The following ARHGEF17 variants were observed in gnomAD, a reference collection of about 807,000 sequenced individuals.
The protein encoded by ARHGEF17 is Rho guanine nucleotide exchange factor 17.
ARHGEF17 carries 80 observed loss-of-function variants against 174.0 expected under a neutral mutation model. The observed-to-expected ratio is 0.46, with a 90% CI of 0.38 to 0.55. The LOEUF (loss-of-function observed/expected upper bound fraction) is 0.55. ARHGEF17 is among the 20% of genes least tolerant of loss of function. ARHGEF17 has a pLI of 0.00. For missense variants in ARHGEF17, 2,886 were observed against 2,839.7 expected (o/e 1.02, Z -0.37); for synonymous variants, 1,311 against 1,189.1 (o/e 1.10, Z -2.11).
At chr11:73,361,516 A>G (rs1215566112) in intron 12 of ARHGEF17, among the ~76,000 whole-genome samples, 1 of 152,168 alleles carries the variant, frequency 6.6e-6, no homozygotes, top group African/African-American at 2.4e-5. Flanking sequence ...ATGTGTGTGT[A>G]CATGTAGGCA....
Position 73,310,569 on chromosome 11 carries a change from C to T in ARHGEF17, c.1931C>T (p.Thr644Ile), listed in dbSNP as rs763165327. The T allele has an allele frequency of 5.0e-6, 8 of 1,614,124 alleles. No homozygotes were observed. The highest frequency in any genetic ancestry group is 6.8e-6 in the Non-Finnish European group (8 of 1,180,028). Residue 644 changes from threonine to isoleucine, a missense_variant, in exon 1 of 21, where the codon ACA becomes ATA. Physicochemically the swap from Thr to Ile is moderately conservative, Grantham distance 89. Coordinates refer to ENST00000263674, the MANE Select transcript of ARHGEF17 (RefSeq NM_014786.4). The stretch of plus-strand genomic sequence containing the variant: ...CTCTCAGGCCCTGAGTCCAGTCTGA[C>T]AGATGAAGGCATTGGGGCAGACCCT... ...EELSGPESSL[T>I]DEGIGADPEP...
Position 73,309,333 on chromosome 11 carries a change from C to T in ARHGEF17, c.695C>T (p.Ser232Phe), listed in dbSNP as rs1027391456. 6.2e-7 allele frequency: 1 copy of T among 1,606,274 alleles called. No individual in the cohort carries two copies. Among genetic ancestry groups the T allele is most frequent in the East Asian group, 2.2e-5 (1 of 44,758 alleles). ...QPQAGARASCSSSSIAASYPV... is the reference protein window; with the variant it reads ...QPQAGARASCFSSSIAASYPV... ...CAGGCCGGGGCCCGGGCCTCCTGCT[C>T]CTCCTCCTCCATCGCCGCCTCCTAT... Residue 232 changes from serine to phenylalanine, a missense_variant, in exon 1 of 21, where the codon TCC (serine) becomes TTC (phenylalanine). By Grantham distance (155) the Ser-to-Phe change is radical. Coordinates refer to ENST00000263674, the MANE Select transcript of ARHGEF17 (RefSeq NM_014786.4).
chr11:73,322,234 C>T (rs571455459), intron 1 of ARHGEF17, among the ~76,000 whole-genome samples: 44 of 152,330 alleles, frequency 2.9e-4, no homozygotes, highest in African/African-American at 9.4e-4. Context: ...CTTGGTATCC[C>T]CCGCCTTTCC....
In ARHGEF17 at chr11:73,365,455, T is replaced by C. The variant is rs144251928; in HGVS notation, c.5616T>C (p.Gly1872=). 7.2e-5 allele frequency: 117 copies of C among 1,613,908 alleles called. No individual in the cohort carries two copies. The African/African-American group carries it at 1.5e-3, about 21-fold the overall frequency. The part of the protein sequence containing the change: ...CVACMVDSSL[G]VWVTLKGSAH... ...CTTGCATGGTGGACTCCAGCCTGGG[T>C]GTGTGGGTGACATTGAAAGGTAGTG... The change falls in exon 19 of 21, where the codon GGT becomes GGC. Residue 1872 remains glycine (G), a synonymous_variant. Transcript: ENST00000263674. The surrounding 1 kb of genome is among the most constrained non-coding windows in gnomAD (Gnocchi z 4.9).
chr11:73,352,021 T>C (rs1278425993), intron 2 of ARHGEF17, among the ~76,000 whole-genome samples: 1 of 152,192 alleles, frequency 6.6e-6, no homozygotes, highest in Non-Finnish European at 1.5e-5. Context: ...GCAACCAGTT[T>C]TTCTTAAATA....
chr11:73,318,128 G>A (rs1170149923), intron 1 of ARHGEF17, among the ~76,000 whole-genome samples: 2 of 152,144 alleles, frequency 1.3e-5, no homozygotes, highest in Non-Finnish European at 2.9e-5. Context: ...TGGCAGGCAG[G>A]GACCCACCAT....
chr11:73,346,752 G>A (rs918877853), intron 1 of ARHGEF17, 131 bp from the exon 2 acceptor site: 2 of 667,634 alleles, frequency 3.0e-6, no homozygotes, highest in Non-Finnish European at 4.6e-6. Flanking sequence ...CCGGAGCCCT[G>A]GGCGGCAGGA....
intron 1 of ARHGEF17, among the ~76,000 whole-genome samples, chr11:73,325,884 C>T (rs925689374): frequency 6.6e-6 from 1 of 152,234 alleles, no homozygotes; most frequent in Admixed American, 6.5e-5. Flanking sequence ...AGACCTTGCT[C>T]CCATGGGACA....
Position 73,355,602 on chromosome 11 carries a change from G to A in ARHGEF17, c.3523G>A (p.Val1175Met). The A allele has an allele frequency of 6.2e-7, 1 of 1,614,208 alleles. No homozygotes were observed. The highest frequency in any genetic ancestry group is 8.5e-7 in the Non-Finnish European group (1 of 1,180,012). The change falls in exon 4 of 21, where the codon GTG becomes ATG. Residue 1175 changes from valine to methionine, a missense_variant. Physicochemically the swap from Val to Met is conservative, Grantham distance 21. Around this residue, in one of 4 missense-constraint regions of ARHGEF17, gnomAD observed 353 missense variants for 470.3 expected, o/e 0.75. Transcript: ENST00000263674. ...IDNFLNAKDA[V>M]RVAKEARPAF... The stretch of plus-strand genomic sequence containing the variant: ...TAACTTCCTCAATGCAAAGGATGCT[G>A]TGCGTGTGGCCAAGGAGGCGAGGCC...
rs773088024 is a variant in ARHGEF17, at chr11:73,357,222, G to A, written c.4002-20G>A. 117 of 1,613,092 alleles carry A rather than the reference G, an allele frequency of 7.3e-5. 1 individual carries two copies. The South Asian group carries it at 1.1e-3, about 15-fold the overall frequency. On this transcript the variant is annotated intron_variant, in intron 8 of 20. Coordinates refer to ENST00000263674, the MANE Select transcript of ARHGEF17 (RefSeq NM_014786.4). ...CCCACTCCCCGACCCTGGCCAGAGCGCCCCATTGGCTCCCCACAGGTACAC... is the reference window on the plus strand; with the variant it reads ...CCCACTCCCCGACCCTGGCCAGAGCACCCCATTGGCTCCCCACAGGTACAC...
chr11:73,317,350 G>T (rs1864944815), intron 1 of ARHGEF17, among the ~76,000 whole-genome samples: 1 of 152,178 alleles, frequency 6.6e-6, no homozygotes, highest in Admixed American at 6.5e-5. Context: ...AGCTACGTGG[G>T]CATTGCCATG....
chr11:73,335,946 A>G (rs2134403581), intron 1 of ARHGEF17, among the ~76,000 whole-genome samples: 1 of 152,390 alleles, frequency 6.6e-6, no homozygotes, highest in Middle Eastern at 3.4e-3. Flanking sequence ...CTGTATGTCA[A>G]GAGACCTGGT....
Position 73,309,739 on chromosome 11 carries a change from A to T in ARHGEF17, c.1101A>T (p.Gly367=). ...TTCGGCCTATGTCTGACTCTGTGGG[A>T]GGAGCTTTCCGTGTGGCCAAGGTGA... ...EGLRPMSDSV[G]GAFRVAKVSF... Residue 367 remains glycine, a synonymous_variant, in exon 1 of 21, where the codon GGA becomes GGT. Coordinates refer to ENST00000263674, the MANE Select transcript of ARHGEF17 (RefSeq NM_014786.4). 1 of 1,612,752 alleles carries T rather than the reference A, an allele frequency of 6.2e-7. No individual in the cohort carries two copies. The highest frequency in any genetic ancestry group is 1.7e-5 in the Admixed American group (1 of 60,028).
intron 20 of ARHGEF17, among the ~76,000 whole-genome samples, chr11:73,366,360 G>A (rs2134425187): frequency 6.6e-6 from 1 of 152,318 alleles, no homozygotes; most frequent in Non-Finnish European, 1.5e-5. Flanking sequence ...GATGCACAGA[G>A]CAGGAAATAG....
At chr11:73,356,576 G>T (rs914383054) in intron 6 of ARHGEF17, 133 bp from the exon 7 acceptor site, 8 of 1,275,556 alleles carry the variant, frequency 6.3e-6, no homozygotes, top group Non-Finnish European at 8.8e-6. Flanking sequence ...CAGCACAAGG[G>T]CATTGAGGGT....
intron 1 of ARHGEF17, among the ~76,000 whole-genome samples, chr11:73,327,936 T>C (rs1865131307): frequency 6.6e-6 from 1 of 152,208 alleles, no homozygotes; most frequent in Non-Finnish European, 1.5e-5. Context: ...CACGTGTTAG[T>C]ACTTAGTCCC....
Position 73,348,823 on chromosome 11 carries a change from T to C in ARHGEF17, c.3270+1863T>C, listed in dbSNP as rs558458255. ...TTGTTTATTGTTTTTAAAAAGTGCA[T>C]GGGGAGATGAGAACACAGAAGGGGG... On this transcript the variant is annotated intron_variant, in intron 2 of 20. Coordinates refer to ENST00000263674, the MANE Select transcript of ARHGEF17 (RefSeq NM_014786.4). Among the ~76,000 whole-genome samples, 389 of 152,204 alleles carry C rather than the reference T, an allele frequency of 2.6e-3. 3 individuals carry two copies. Among genetic ancestry groups the C allele is most frequent in the African/African-American group, 9.0e-3 (373 of 41,526 alleles).
intron 1 of ARHGEF17, 96 bp from the exon 2 acceptor site, chr11:73,346,787 A>G: frequency 1.0e-6 from 1 of 962,148 alleles, no homozygotes; most frequent in Non-Finnish European, 1.4e-6. Flanking sequence ...GGGCAGGGAG[A>G]GGGTGTGGGC....
rs1865764938 is a variant in ARHGEF17 at position 73,362,591 on chromosome 11, A to C, written c.4853A>C (p.Glu1618Ala). Residue 1618 changes from glutamate to alanine, a missense_variant, in exon 14 of 21, where the codon GAG becomes GCG. Transcript: ENST00000263674. ...ATCTCCATTGCAGGCTCGGGCTTGG[A>C]GATGACGCCGGGCCTCGGCGAGGGT... ...LHISIAGSGL[E>A]MTPGLGEGDP... 1 of 1,610,426 alleles carries C rather than the reference A, an allele frequency of 6.2e-7. No homozygotes were observed. Among genetic ancestry groups the C allele is most frequent in the African/African-American group, 1.3e-5 (1 of 74,900 alleles).
Sources: allele counts gnomAD v4.1 joint callset (sites outside exome capture counted in the v4.1 genomes callset), GRCh38; gene constraint gnomAD v4.1.1; regional missense constraint gnomAD v4.1.1; non-coding constraint Gnocchi (gnomAD v3.1); transcripts MANE v1.5; gene names NCBI Gene and HGNC (gene_info 2026-07-23, HGNC 2026-07-21).